RGS3: variants seen among roughly 807,000 people sequenced by gnomAD.
RGS3 encodes regulator of G-protein signalling 3.
A neutral mutation model predicts 132.6 loss-of-function variants in RGS3; 80 were observed. The observed-to-expected ratio is 0.60, with a 90% CI of 0.50 to 0.73. RGS3 has a LOEUF of 0.73. Among genes scored for constraint, RGS3 ranks in the 30% least tolerant of loss-of-function variants. The pLI is 0.00. For missense variants in RGS3, 1,382 were observed against 1,530.8 expected, an observed-to-expected ratio of 0.90 and a Z score of 1.62; for synonymous variants, 598 against 620.6, an observed-to-expected ratio of 0.96 and a Z score of 0.54.
chr9:113,535,796 A>G (rs1588214845), intron 18 of RGS3, among the ~76,000 whole-genome samples: 3 of 152,114 alleles, frequency 2.0e-5, no homozygotes. Context: ...CTTTGGGGTT[A>G]TAATCAAATT....
chr9:113,584,481 G>A lies in RGS3; in HGVS notation c.3015+54G>A. 3.4e-6 allele frequency: 5 copies of A among 1,475,132 alleles called. No individual in the cohort carries two copies. The South Asian group carries it at 4.1e-5, about 12-fold the overall frequency. The allele number at this position is 1,475,132 out of a possible 1,614,324, so 91.4% of individuals were successfully genotyped here. ...GATACATGCAATGTGGGGAGGGCTG[G>A]CCCAGGGGCTGCAGGGAATGAGAAG... On this transcript the variant is annotated intron_variant, in intron 20 of 24. Coordinates refer to ENST00000350696, the Ensembl canonical transcript of RGS3.
rs565776574 is a variant in RGS3 at position 113,449,153 on chromosome 9, A to G, written c.-13+4226A>G. On this transcript the variant is annotated intron_variant, in intron 1 of 25. Transcript: ENST00000374140. Reference sequence around the variant, plus strand: ...TGCTAATCTAATGGCAGAGTGAAACATGAATTGGAGAGAGAACAGCAAGAC... The same window carrying G: ...TGCTAATCTAATGGCAGAGTGAAACGTGAATTGGAGAGAGAACAGCAAGAC... 1.7e-3 allele frequency among the ~76,000 whole-genome samples: 252 copies of G among 152,320 alleles called. 1 individual carries two copies. The highest frequency in any genetic ancestry group is 8.5e-4 in the Non-Finnish European group (58 of 68,026).
chr9:113,488,462 C>G (rs1016901260), intron 7 of RGS3, among the ~76,000 whole-genome samples: 2 of 152,192 alleles, frequency 1.3e-5, no homozygotes, highest in Non-Finnish European at 2.9e-5. Context: ...AGGGTCCGCT[C>G]CCTGTCTTTG....
chr9:113,583,058 A>T (rs986509687), intron 19 of RGS3: 18 of 236,996 alleles, frequency 7.6e-5, no homozygotes, highest in African/African-American at 2.7e-4. Context: ...TTATCCCCAG[A>T]GGCAACTTTG....
intron 19 of RGS3, among the ~76,000 whole-genome samples, chr9:113,572,620 G>A (rs1834340941): frequency 6.6e-6 from 1 of 152,252 alleles, no homozygotes; most frequent in Non-Finnish European, 1.5e-5. Flanking sequence ...AGGCAAGGGT[G>A]TGTATCTGGA....
intron 24 of RGS3, 102 bp from the exon 23 acceptor site, chr9:113,596,666 G>T: frequency 1.0e-6 from 1 of 955,644 alleles, no homozygotes; most frequent in Non-Finnish European, 1.5e-6. Context: ...TGGGGCAAAG[G>T]GGCTTGGAGG....
Position 113,537,426 on chromosome 9 carries a change from C to T in RGS3, c.2037+508C>T, listed in dbSNP as rs1038319383. Among the ~76,000 whole-genome samples, 2 of 152,104 alleles carry T rather than the reference C, an allele frequency of 1.3e-5. No homozygotes were observed. Among genetic ancestry groups the T allele is most frequent in the Non-Finnish European group, 2.9e-5 (2 of 68,004 alleles). On this transcript the variant is annotated intron_variant, in intron 19 of 24. Coordinates refer to ENST00000350696, the Ensembl canonical transcript of RGS3. This position sits in a 1 kb window ranked among gnomAD's most constrained non-coding sequence, Gnocchi z 4.3. The stretch of plus-strand genomic sequence containing the variant: ...GGGTCTGGGGACTGGCTGGCAGGAG[C>T]ACCGGGGAAGATTAGAGACTCCCAG...
chr9:113,520,592 C>T lies in RGS3; in HGVS notation c.1759-2338C>T, dbSNP rs552283955. 7.0e-5 allele frequency among the ~76,000 whole-genome samples: 10 copies of T among 142,264 alleles called. No homozygotes were observed. The South Asian group carries it at 9.0e-4, about 13-fold the overall frequency. 93.3% of individuals were successfully genotyped at this position (142,264 alleles called of 152,430 possible). A position where few individuals can be genotyped will look rare whatever the true frequency, so the allele number is the denominator to read the frequency against. On this transcript the variant is annotated intron_variant, in intron 16 of 24. Coordinates refer to ENST00000350696, the Ensembl canonical transcript of RGS3. ...ACTTTCTAGGCTCCTGACAGATTGTCGGCTCCAGCCCTTCCCCTGCCAGCC... is the reference window on the plus strand; with the variant it reads ...ACTTTCTAGGCTCCTGACAGATTGTTGGCTCCAGCCCTTCCCCTGCCAGCC...
intron 7 of RGS3, among the ~76,000 whole-genome samples, chr9:113,490,080 G>C (rs1044981584): frequency 6.6e-6 from 1 of 152,190 alleles, no homozygotes; most frequent in African/African-American, 2.4e-5. Context: ...TTTTGGCTTA[G>C]CTTTGACTAG....
chr9:113,505,601 A>G, intron 11 of RGS3, 78 bp downstream of exon 9: 2 of 1,168,268 alleles, frequency 1.7e-6, no homozygotes, highest in Non-Finnish European at 2.6e-6. Flanking sequence ...CTGGAACTAA[A>G]AGGGGAGCCC....
intron 8 of RGS3, among the ~76,000 whole-genome samples, chr9:113,496,408 G>T (rs1830684249): frequency 1.3e-5 from 2 of 152,126 alleles, no homozygotes; most frequent in South Asian, 4.1e-4. Context: ...GAAGGTGGAG[G>T]GTGGGGAGCA....
rs925124710 is a variant in RGS3 at position 113,591,131 on chromosome 9, G to T, written c.3016-202G>T. The stretch of plus-strand genomic sequence containing the variant: ...GTCCCAGGAGGAGATCCCTGTGGCC[G>T]GAGAGTCTGCCAGGCCGATTCCACT... On this transcript the variant is annotated intron_variant, in intron 20 of 24. Transcript: ENST00000350696. This position sits in a 1 kb window ranked among gnomAD's most constrained non-coding sequence, Gnocchi z 4.4. Among the ~76,000 whole-genome samples, 3 of 152,186 alleles carry T rather than the reference G, an allele frequency of 2.0e-5. No individual in the cohort carries two copies. Among genetic ancestry groups the T allele is most frequent in the Admixed American group, 1.3e-4 (2 of 15,284 alleles).
intron 6 of RGS3, among the ~76,000 whole-genome samples, chr9:113,485,173 C>T (rs773217894): frequency 1.3e-5 from 2 of 152,054 alleles, no homozygotes; most frequent in African/African-American, 2.4e-5. Flanking sequence ...CTGTAAGCTC[C>T]GCCTCCTGGG....
Position 113,514,379 on chromosome 9 carries a change from G to A in RGS3, c.1478-79G>A, listed in dbSNP as rs1004733985. The A allele has an allele frequency of 5.4e-5, 70 of 1,284,508 alleles. 1 individual carries two copies. Among genetic ancestry groups the A allele is most frequent in the Admixed American group, 3.9e-4 (20 of 51,004 alleles). 79.6% of individuals were successfully genotyped at this position (1,284,508 alleles called of 1,614,324 possible). A position where few individuals can be genotyped will look rare whatever the true frequency, so the allele number is the denominator to read the frequency against. The stretch of plus-strand genomic sequence containing the variant: ...AAGTGGTTGTTGACGGAATGAGTCC[G>A]TGTCCCCTGTTTCTACAGAGGGGAC... On this transcript the variant is annotated intron_variant, in intron 14 of 24. Transcript: ENST00000350696.
At chr9:113,595,198 C>T in intron 23 of RGS3, 1 of 596,140 alleles carries the variant, frequency 1.7e-6, no homozygotes, top group South Asian at 2.0e-5. Context: ...TGAGCTGGCA[C>T]TGCCTGCCGG....
intron 1 of RGS3, among the ~76,000 whole-genome samples, chr9:113,447,323 G>GTGTATGTATA (rs1829126189): frequency 3.4e-5 from 1 of 29,422 alleles, no homozygotes; most frequent in African/African-American, 8.9e-5. Context: ...TCTGATGTAT[G>GTGTATGTATA]TATATGTATA....
chr9:113,514,371 A>G (rs1831548403), intron 14 of RGS3, 87 bp from the exon 13 acceptor site: 3 of 1,189,900 alleles, frequency 2.5e-6, no homozygotes, highest in Admixed American at 4.2e-5. Flanking sequence ...TGTTGACGGA[A>G]TGAGTCCGTG....
At chr9:113,475,651 C>G (rs1292937604) in intron 3 of RGS3, among the ~76,000 whole-genome samples, 1 of 152,142 alleles carries the variant, frequency 6.6e-6, no homozygotes, top group African/African-American at 2.4e-5. Context: ...CTCAAGCAAT[C>G]CTCCCACCTC....
chr9:113,584,492 G>T, intron 20 of RGS3, 65 bp downstream of exon 18: 9 of 1,452,038 alleles, frequency 6.2e-6, no homozygotes, highest in Non-Finnish European at 8.2e-6. Flanking sequence ...CCCAGGGGCT[G>T]CAGGGAATGA....
Sources: allele counts gnomAD v4.1 joint callset (sites outside exome capture counted in the v4.1 genomes callset), GRCh38; gene constraint gnomAD v4.1.1; non-coding constraint Gnocchi (gnomAD v3.1); transcripts MANE v1.5; gene names NCBI Gene and HGNC (gene_info 2026-07-23, HGNC 2026-07-21).